PLCB1: variants seen among roughly 807,000 people sequenced by gnomAD.
PLCB1 encodes the protein 1-phosphatidylinositol 4,5-bisphosphate phosphodiesterase beta-1.
PLCB1 carries 46 observed loss-of-function variants against 161.8 expected under a neutral mutation model. The ratio of observed to expected loss-of-function variants is 0.28; its 90% CI spans 0.22 to 0.36. The LOEUF (loss-of-function observed/expected upper bound fraction) is 0.36. PLCB1 is among the 10% of genes least tolerant of loss of function. PLCB1 has a pLI of 1.00. For missense variants in PLCB1, 1,016 were observed against 1,472.5 expected (o/e 0.69, Z 5.07); for synonymous variants, 517 against 503.7 (o/e 1.03, Z -0.35).
rs140194641 is a variant in PLCB1 at position 8,220,715 on chromosome 20, A to C, written c.177+70344A>C. 1.3e-3 allele frequency among the ~76,000 whole-genome samples: 191 copies of C among 152,312 alleles called. 1 individual carries two copies. The highest frequency in any genetic ancestry group is 4.3e-3 in the African/African-American group (180 of 41,590). On this transcript the variant is annotated intron_variant, in intron 2 of 31. Coordinates refer to ENST00000338037, the MANE Select transcript of PLCB1 (RefSeq NM_015192.4). Reference sequence around the variant, plus strand: ...GCTGACAACTTGAGCTTGGACTTCCAGCTTCCAGAACTGTGAGAGAATAAA... The same window carrying C: ...GCTGACAACTTGAGCTTGGACTTCCCGCTTCCAGAACTGTGAGAGAATAAA...
intron 31 of PLCB1, among the ~76,000 whole-genome samples, chr20:8,790,679 A>C (rs1983712677): frequency 6.6e-6 from 1 of 152,168 alleles, no homozygotes; most frequent in African/African-American, 2.4e-5. Flanking sequence ...CACCAAAATC[A>C]CTTTGGTTTT....
intron 3 of PLCB1, among the ~76,000 whole-genome samples, chr20:8,482,235 C>T (rs764796200): frequency 2.0e-5 from 3 of 150,952 alleles, no homozygotes; most frequent in Admixed American, 6.6e-5. Flanking sequence ...TCCCAAGTAA[C>T]TGAGATTACA....
At chr20:8,615,237 G>A (rs1194925696) in intron 3 of PLCB1, among the ~76,000 whole-genome samples, 1 of 152,052 alleles carries the variant, frequency 6.6e-6, no homozygotes, top group Non-Finnish European at 1.5e-5. Context: ...TGTTATATAT[G>A]TTGCCTTGAA....
At chr20:8,739,877 C>T (rs527893397) in intron 21 of PLCB1, among the ~76,000 whole-genome samples, 3 of 152,296 alleles carry the variant, frequency 2.0e-5, no homozygotes, top group South Asian at 2.1e-4. Flanking sequence ...CAAGAAATCA[C>T]GTCAAGGCTG....
intron 2 of PLCB1, among the ~76,000 whole-genome samples, chr20:8,207,915 C>T (rs910539990): frequency 5.3e-5 from 8 of 152,142 alleles, no homozygotes; most frequent in Non-Finnish European, 1.0e-4. Context: ...CTTTCTCCTC[C>T]TGCAGCTTTT....
chr20:8,207,750 T>C (rs1034974765), intron 2 of PLCB1, among the ~76,000 whole-genome samples: 1 of 151,982 alleles, frequency 6.6e-6, no homozygotes, highest in African/African-American at 2.4e-5. Context: ...CCAACTAATT[T>C]TTTAATATTT....
At chr20:8,314,086 T>C (rs1429014679) in intron 2 of PLCB1, among the ~76,000 whole-genome samples, 3 of 152,188 alleles carry the variant, frequency 2.0e-5, no homozygotes, top group Non-Finnish European at 4.4e-5. Context: ...AATCCCTTTT[T>C]TCTTTGTCTC....
intron 23 of PLCB1, among the ~76,000 whole-genome samples, chr20:8,747,483 C>T (rs1225963006): frequency 1.3e-5 from 2 of 152,112 alleles, no homozygotes; most frequent in African/African-American, 2.4e-5. Flanking sequence ...GAGTGGTCTT[C>T]GTGTAATATT....
At chr20:8,620,011 A>G (rs1394977641) in intron 3 of PLCB1, among the ~76,000 whole-genome samples, 1 of 152,126 alleles carries the variant, frequency 6.6e-6, no homozygotes, top group Non-Finnish European at 1.5e-5. Flanking sequence ...TGGTTCTTCC[A>G]TTTAACTAGC....
chr20:8,713,849 A>G (rs1327009032), intron 12 of PLCB1, among the ~76,000 whole-genome samples: 1 of 152,172 alleles, frequency 6.6e-6, no homozygotes, highest in Non-Finnish European at 1.5e-5. Flanking sequence ...TTGAGTGATA[A>G]TCATGGCTCC....
At chr20:8,576,820 T>A (rs1211563902) in intron 3 of PLCB1, among the ~76,000 whole-genome samples, 1 of 152,232 alleles carries the variant, frequency 6.6e-6, no homozygotes, top group East Asian at 1.9e-4. Context: ...TATTTTTAAG[T>A]TGTAGCCATC....
In PLCB1 at chr20:8,834,827, A is replaced by C. The variant is rs1048320807; in HGVS notation, c.3423+44566A>C. On this transcript the variant is annotated intron_variant, in intron 31 of 31. Coordinates refer to ENST00000338037, the MANE Select transcript of PLCB1 (RefSeq NM_015192.4). ...CTGCCTCAGAAAAAAAAAAAAAAAA[A>C]AAAAAAAAAACCACAGGCTGCTGTA... Among the ~76,000 whole-genome samples, 24 of 115,732 alleles carry C rather than the reference A, an allele frequency of 2.1e-4. 1 individual carries two copies. The highest frequency in any genetic ancestry group is 4.1e-4 in the Non-Finnish European group (21 of 51,158). The allele number at this position is 115,732 out of a possible 152,430, so 75.9% of individuals were successfully genotyped here.
rs1982934936 is a variant in PLCB1, at chr20:8,282,807, T to C, written c.178-88575T>C. ...AAACTCCTACTTCTTTTTCTTTTAATACTATTTTTTCTCATAAAATTAATA... is the reference window on the plus strand; with the variant it reads ...AAACTCCTACTTCTTTTTCTTTTAACACTATTTTTTCTCATAAAATTAATA... On this transcript the variant is annotated intron_variant, in intron 2 of 31. Transcript: ENST00000338037. Among the ~76,000 whole-genome samples, 3 of 150,038 alleles carry C rather than the reference T, an allele frequency of 2.0e-5. No homozygotes were observed. In the South Asian group the frequency reaches 6.5e-4, roughly 32 times the overall value.
chr20:8,684,228 A>AATT (rs1480106454), intron 9 of PLCB1, among the ~76,000 whole-genome samples: 1 of 122,668 alleles, frequency 8.2e-6, no homozygotes, highest in Non-Finnish European at 1.7e-5. Flanking sequence ...ACCACTTGTA[A>AATT]ATTATTTATT....
At chr20:8,379,097 C>T (rs1987185031) in intron 3 of PLCB1, among the ~76,000 whole-genome samples, 1 of 152,134 alleles carries the variant, frequency 6.6e-6, no homozygotes, top group Non-Finnish European at 1.5e-5. Context: ...GTTCCCTCCT[C>T]TCACCTCCCC....
At chr20:8,851,364 T>G (rs1600094634) in intron 31 of PLCB1, among the ~76,000 whole-genome samples, 2 of 152,346 alleles carry the variant, frequency 1.3e-5, no homozygotes, top group Middle Eastern at 6.8e-3. Flanking sequence ...CCCTAGCAAT[T>G]TATGATATAT....
At chr20:8,175,497 A>G (rs1036184620) in intron 2 of PLCB1, among the ~76,000 whole-genome samples, 1 of 152,156 alleles carries the variant, frequency 6.6e-6, no homozygotes, top group East Asian at 1.9e-4. Context: ...GTTCAACATA[A>G]GCTTCACACT....
intron 3 of PLCB1, among the ~76,000 whole-genome samples, chr20:8,485,492 G>T (rs982827949): frequency 1.3e-5 from 2 of 152,220 alleles, no homozygotes; most frequent in Admixed American, 6.5e-5. Flanking sequence ...CATGGCAGAT[G>T]TTCATTAAGG....
At chr20:8,861,868 A>G (rs1219650169) in intron 31 of PLCB1, among the ~76,000 whole-genome samples, 2 of 152,128 alleles carry the variant, frequency 1.3e-5, no homozygotes, top group Non-Finnish European at 2.9e-5. Flanking sequence ...GGAAACATTG[A>G]TTTATTGGAA....
Sources: gnomAD v4.1 joint callset for allele counts (sites outside exome capture counted in the v4.1 genomes callset) on GRCh38, gnomAD v4.1.1 for gene constraint, MANE v1.5 for transcripts, NCBI Gene and HGNC (gene_info 2026-07-23, HGNC 2026-07-21) for gene names.